Variants in CCDC66 observed in about 807,000 individuals in gnomAD.
The protein encoded by CCDC66 is coiled-coil domain-containing protein 66.
CCDC66 carries 133 observed loss-of-function variants against 128.3 expected under a neutral mutation model. The ratio of observed to expected loss-of-function variants is 1.04; its 90% CI spans 0.90 to 1.20. The LOEUF (loss-of-function observed/expected upper bound fraction) is 1.20. Ranked by LOEUF, CCDC66 falls within the 50% of genes most tolerant of loss-of-function variation. The pLI is 0.00. For synonymous variants in CCDC66, 387 were observed against 357.0 expected, an observed-to-expected ratio of 1.08 and a Z score of -0.95; for missense variants, 1,126 against 1,075.5, an observed-to-expected ratio of 1.05 and a Z score of -0.66.
intron 13 of CCDC66, 142 bp downstream of exon 13, chr3:56,616,195 G>T: frequency 1.5e-6 from 1 of 682,340 alleles, no homozygotes. Context: ...AGGGATAACA[G>T]CTTTGTTGAA....
chr3:56,587,742 G>A (rs1487886916), intron 7 of CCDC66, among the ~76,000 whole-genome samples: 2 of 152,074 alleles, frequency 1.3e-5, no homozygotes, highest in African/African-American at 2.4e-5. Context: ...GGTAGCAGGC[G>A]CCTGTAATCC....
At position 56,613,991 on chromosome 3, in the gene CCDC66, G is replaced by A. The variant is rs527602308; in HGVS notation, c.1566+241G>A. ...AGACAGGGTCTCACTATGTTCAAGC[G>A]ATCCTCCCACCTCAGCCTCCTAAAG... On this transcript the variant is annotated intron_variant, in intron 11 of 17. Transcript: ENST00000394672. Among the ~76,000 whole-genome samples the A allele has an allele frequency of 6.6e-5, 10 of 152,224 alleles. No individual in the cohort carries two copies. In the East Asian group the frequency reaches 1.9e-3, roughly 29 times the overall value.
At chr3:56,585,132 GGAGGGA>G (rs758749809) in intron 7 of CCDC66, among the ~76,000 whole-genome samples, 7,097 of 67,280 alleles carry the variant, frequency 0.11, 209 homozygotes, top group Middle Eastern at 0.19. Flanking sequence ...AGAGGGAGAG[GGAGGGA>G]GAGGGAGAGG....
At chr3:56,618,289 C>G in intron 15 of CCDC66, 77 bp downstream of exon 15, 1 of 1,247,054 alleles carries the variant, frequency 8.0e-7, no homozygotes, top group Non-Finnish European at 1.2e-6. Context: ...AAGATCTGGA[C>G]AGCATCATAT....
At chr3:56,605,219 T>G (rs1385954839) in intron 10 of CCDC66, among the ~76,000 whole-genome samples, 1 of 152,076 alleles carries the variant, frequency 6.6e-6, no homozygotes, top group African/African-American at 2.4e-5. Context: ...TAGAACAGGC[T>G]CCTTTAGCTC....
At chr3:56,607,607 T>C (rs1166709958) in intron 10 of CCDC66, among the ~76,000 whole-genome samples, 1 of 152,142 alleles carries the variant, frequency 6.6e-6, no homozygotes, top group African/African-American at 2.4e-5. Flanking sequence ...GACTTCCTCT[T>C]TACTGATTTG....
intron 3 of CCDC66, chr3:56,563,427 A>G: frequency 2.7e-6 from 1 of 370,126 alleles, no homozygotes; most frequent in Non-Finnish European, 4.8e-6. Flanking sequence ...TAGGTGGTAT[A>G]ATCTAATGAC....
At chr3:56,569,436 G>T in intron 6 of CCDC66, 1 of 209,132 alleles carries the variant, frequency 4.8e-6, no homozygotes, top group Middle Eastern at 1.1e-3. Context: ...AGAGATGCCA[G>T]GCTCTTTTAC....
rs139643507 is a variant in CCDC66, at chr3:56,558,355, A to G, written c.12-491A>G. On this transcript the variant is annotated intron_variant, in intron 1 of 17. Transcript: ENST00000394672. ...ATAAAGCACCATACTAAATATCACT[A>G]TGTATTATTTGAAATATTGAAAGTG... Among the ~76,000 whole-genome samples the G allele has an allele frequency of 9.9e-5, 15 of 151,456 alleles. No homozygotes were observed. The East Asian group carries it at 1.7e-3, about 18-fold the overall frequency.
chr3:56,602,815 C>A (rs1474570477), intron 10 of CCDC66, among the ~76,000 whole-genome samples: 1 of 146,002 alleles, frequency 6.8e-6, no homozygotes, highest in Non-Finnish European at 1.5e-5. Context: ...GTGGGAACAG[C>A]GGTGATATCC....
chr3:56,615,438 C>G (rs1441520367), intron 12 of CCDC66, 166 bp downstream of exon 12: 1 of 666,986 alleles, frequency 1.5e-6, no homozygotes, highest in Non-Finnish European at 2.4e-6. Flanking sequence ...GACATGGAAT[C>G]TCGCTTTGTT....
rs747627170 is a variant in CCDC66, at chr3:56,617,120, A to G, written c.1852A>G (p.Asn618Asp). The G allele has an allele frequency of 5.3e-6, 8 of 1,514,862 alleles. No homozygotes were observed. The African/African-American group carries it at 9.9e-5, about 19-fold the overall frequency. The allele number at this position is 1,514,862 out of a possible 1,614,324, so 93.8% of individuals were successfully genotyped here. ...KDTGVQTDDL[N>D]IGIFTNAESH... ...TTGCAACTTTTTTTTAGATGACTTA[A>G]ATATAGGAATATTCACCAATGCAGA... Residue 618 changes from asparagine to aspartate, a missense_variant, in exon 14 of 18, where the codon AAT (asparagine) becomes GAT (aspartate). Transcript: ENST00000394672.
intron 10 of CCDC66, among the ~76,000 whole-genome samples, chr3:56,610,030 A>T (rs1361201204): frequency 6.6e-6 from 1 of 152,134 alleles, no homozygotes; most frequent in East Asian, 1.9e-4. Flanking sequence ...TTCACTTTGG[A>T]TAACCTGATG....
rs1436190171 is a variant in CCDC66 at position 56,621,590 on chromosome 3, A to G, written c.2819A>G (p.Gln940Arg). 6.2e-7 allele frequency: 1 copy of G among 1,600,472 alleles called. No individual in the cohort carries two copies. ...ESSLLPLAEN[Q>R]EESFGSSF Reference sequence around the variant, plus strand: ...AGTCTCCTGCCTTTAGCTGAAAATCAAGAAGAGAGTTTTGGTTCTTCATTT... The same window carrying G: ...AGTCTCCTGCCTTTAGCTGAAAATCGAGAAGAGAGTTTTGGTTCTTCATTT... Residue 940 changes from glutamine (Q) to arginine (R), a missense_variant, in exon 18 of 18, where the codon CAA becomes CGA. Gln to Arg is a conservative substitution (Grantham distance 43). Coordinates refer to ENST00000394672, the MANE Select transcript of CCDC66 (RefSeq NM_001141947.3).
chr3:56,608,627 G>T (rs1023335466), intron 10 of CCDC66, among the ~76,000 whole-genome samples: 1 of 151,444 alleles, frequency 6.6e-6, no homozygotes, highest in Non-Finnish European at 1.5e-5. Context: ...CTCTGATGTT[G>T]GTTGTTTCCT....
chr3:56,589,781 C>T (rs1342998162), intron 7 of CCDC66, among the ~76,000 whole-genome samples: 1 of 152,032 alleles, frequency 6.6e-6, no homozygotes, highest in East Asian at 1.9e-4. Context: ...GACTTACATC[C>T]AGCATATATT....
intron 7 of CCDC66, among the ~76,000 whole-genome samples, chr3:56,582,077 C>G (rs1352754639): frequency 6.6e-6 from 1 of 151,944 alleles, no homozygotes; most frequent in Non-Finnish European, 1.5e-5. Flanking sequence ...TCCGAGCTTC[C>G]TGGCTGCTTT....
chr3:56,618,368 T>C, intron 15 of CCDC66, 156 bp downstream of exon 15: 2 of 622,228 alleles, frequency 3.2e-6, no homozygotes, highest in Non-Finnish European at 5.5e-6. Flanking sequence ...AGGGATAGTG[T>C]GGCACTTTAG....
rs6807338 is a variant in CCDC66, at chr3:56,615,254, C to T, written c.1693C>T (p.Leu565=). The change falls in exon 12 of 18, where the codon CTG becomes TTG. Residue 565 remains leucine (L), a synonymous_variant. Coordinates refer to ENST00000394672, the MANE Select transcript of CCDC66 (RefSeq NM_001141947.3). ...GCAAAAGGGACATGACACTTCTAGACTGATTAAAAATCTTGGTGGTAAGGG... is the reference window on the plus strand; with the variant it reads ...GCAAAAGGGACATGACACTTCTAGATTGATTAAAAATCTTGGTGGTAAGGG... ...LAQKGHDTSR[L]IKNLGVDTIQ... is the part of the protein sequence containing the mutation. 78,927 of 1,611,324 alleles carry T rather than the reference C, an allele frequency of 0.049. 2,421 individuals are homozygous for T. The highest frequency in any genetic ancestry group is 0.11 in the South Asian group (10,335 of 90,460).
Sources: allele counts gnomAD v4.1 joint callset (sites outside exome capture counted in the v4.1 genomes callset), GRCh38; gene constraint gnomAD v4.1.1; transcripts MANE v1.5; gene names NCBI Gene and HGNC (gene_info 2026-07-23, HGNC 2026-07-21).